RIPK4: variants seen among roughly 807,000 people sequenced by gnomAD.
RIPK4 encodes the protein receptor interacting serine/threonine kinase 4, also known as receptor-interacting serine/threonine-protein kinase 4.
RIPK4 carries 17 observed loss-of-function variants against 42.9 expected under a neutral mutation model. The observed-to-expected ratio is 0.40, with a 90% confidence interval of 0.27 to 0.59. RIPK4 has a LOEUF of 0.59. RIPK4 is among the 20% of genes least tolerant of loss of function. The probability of loss-of-function intolerance (pLI) is 0.47; values close to 1 mark genes in which losing one functional copy is unlikely to be tolerated. For synonymous variants in RIPK4, 498 were observed against 499.1 expected (o/e 1.00, Z 0.03); for missense variants, 897 against 1,104.4 (o/e 0.81, Z 2.66).
At chr21:41,752,320 G>C (rs570560585) in intron 2 of RIPK4, among the ~76,000 whole-genome samples, 2 of 152,196 alleles carry the variant, frequency 1.3e-5, no homozygotes, top group Non-Finnish European at 2.9e-5. Context: ...ATTCTGGGCT[G>C]GCCATGCCCA....
rs758677839 is a variant in RIPK4 at position 41,751,073 on chromosome 21, G to A, written c.623+24C>T. 8.7e-6 allele frequency: 14 copies of A among 1,605,450 alleles called. No homozygotes were observed. The South Asian group carries it at 1.6e-4, about 18-fold the overall frequency. On this transcript the variant is annotated intron_variant, in intron 3 of 7. Transcript: ENST00000332512. The surrounding 1 kb of genome is among the most constrained non-coding windows in gnomAD (Gnocchi z 4.5). ...TTGAGAGCCCCTGGCACCCACAGGG[G>A]ATGGGGGGCGGCATGTCACACACCT...
chr21:41,758,021 A>AAAATATAT (rs1555910478), intron 1 of RIPK4, among the ~76,000 whole-genome samples: 6 of 51,364 alleles, frequency 1.2e-4, no homozygotes, highest in African/African-American at 5.7e-4. Flanking sequence ...AAAAAAAAAA[A>AAAATATAT]ATATATATAT....
intron 1 of RIPK4, among the ~76,000 whole-genome samples, chr21:41,763,025 G>T (rs376510034): frequency 1.7e-4 from 26 of 152,272 alleles, no homozygotes; most frequent in African/African-American, 6.3e-4. Flanking sequence ...AGTTCAGAGG[G>T]GGTGGCATCC....
chr21:41,760,811 G>A (rs2061218328), intron 1 of RIPK4, among the ~76,000 whole-genome samples: 2 of 152,172 alleles, frequency 1.3e-5, no homozygotes, highest in Non-Finnish European at 2.9e-5. Flanking sequence ...AAGGAGCAAA[G>A]AATCCCACTG....
In RIPK4 at chr21:41,741,663, A is replaced by G. The variant is rs761959722; in HGVS notation, c.1530T>C (p.Phe510=). ...KDEDQWTALH[F]AAQNGDESST... ...TAGACTCGTCCCCGTTCTGGGCTGC[A>G]AAGTGGAGGGCTGTCCACTGGTCCT... Residue 510 remains phenylalanine (F), a synonymous_variant, in exon 8 of 8, where the codon TTT becomes TTC. Transcript: ENST00000332512. 39 of 1,613,760 alleles carry G rather than the reference A, an allele frequency of 2.4e-5. 1 individual carries two copies. The East Asian group carries it at 4.5e-4, about 18-fold the overall frequency.
At chr21:41,759,756 T>C (rs1601683998) in intron 1 of RIPK4, among the ~76,000 whole-genome samples, 1 of 152,374 alleles carries the variant, frequency 6.6e-6, no homozygotes, top group Non-Finnish European at 1.5e-5. Context: ...CTTAATGATC[T>C]GACCGCCCCT....
At chr21:41,748,953 C>A (rs1211535056) in intron 4 of RIPK4, among the ~76,000 whole-genome samples, 1 of 152,202 alleles carries the variant, frequency 6.6e-6, no homozygotes, top group Non-Finnish European at 1.5e-5. Context: ...CACAAAAAAA[C>A]TAGCTGGCAC....
chr21:41,744,309 C>T (rs1431024419), intron 6 of RIPK4, among the ~76,000 whole-genome samples, 169 bp from the exon 7 acceptor site: 2 of 152,152 alleles, frequency 1.3e-5, no homozygotes, highest in Non-Finnish European at 2.9e-5. Flanking sequence ...GCTCAGACCC[C>T]GCATCGGCAC....
chr21:41,752,855 G>C (rs1205988707), intron 2 of RIPK4, among the ~76,000 whole-genome samples: 1 of 152,136 alleles, frequency 6.6e-6, no homozygotes, highest in Non-Finnish European at 1.5e-5. Flanking sequence ...GAGAGCATTA[G>C]GACAAACACC....
chr21:41,763,708 A>G (rs71318591), intron 1 of RIPK4, among the ~76,000 whole-genome samples: 2,811 of 152,266 alleles, frequency 0.018, 42 homozygotes, highest in South Asian at 0.061. Flanking sequence ...CCACACGGCT[A>G]TTTTTAAAAC....
Position 41,741,268 on chromosome 21 carries a change from T to C in RIPK4, c.1925A>G (p.His642Arg). 6.2e-7 allele frequency: 1 copy of C among 1,608,560 alleles called. No homozygotes were observed. The highest frequency in any genetic ancestry group is 1.3e-5 in the African/African-American group (1 of 75,048). The stretch of plus-strand genomic sequence containing the variant: ...CGTGTGCCCCGTCTCCGCGGCCACG[T>C]GCAGGGGTGTCTGTGCCAGCAGGCT... Reference protein sequence around the residue: ...VCSLLAQTPLHVAAETGHTST... With the variant: ...VCSLLAQTPLRVAAETGHTST... Residue 642 changes from histidine (H) to arginine (R), a missense_variant, in exon 8 of 8, where the codon CAC becomes CGC. His to Arg is a conservative substitution (Grantham distance 29). Transcript: ENST00000332512.
intron 7 of RIPK4, among the ~76,000 whole-genome samples, chr21:41,743,500 G>A (rs535160403): frequency 6.6e-5 from 10 of 152,230 alleles, no homozygotes; most frequent in African/African-American, 2.4e-4. Context: ...ACCCAGCAGC[G>A]TCTGAGCAGA....
chr21:41,755,595 C>T lies in RIPK4; in HGVS notation c.474+930G>A, dbSNP rs1457749787. On this transcript the variant is annotated intron_variant, in intron 2 of 7. Transcript: ENST00000332512. This position sits in a 1 kb window ranked among gnomAD's most constrained non-coding sequence, Gnocchi z 4.2. ...GGAACAGTAGCACAGCCAAGCCAGG[C>T]AGGGGACTCCTCTGCTTGTCCCCTG... 6.6e-6 allele frequency among the ~76,000 whole-genome samples: 1 copy of T among 152,176 alleles called. No homozygotes were observed. The highest frequency in any genetic ancestry group is 2.4e-5 in the African/African-American group (1 of 41,432).
chr21:41,746,237 A>T lies in RIPK4; in HGVS notation c.833-375T>A, dbSNP rs200082861. The T allele has an allele frequency of 2.9e-3, 1,720 of 596,502 alleles. 22 individuals carry two copies. In the Middle Eastern group the frequency reaches 0.031, roughly 11 times the overall value. 37.0% of individuals were successfully genotyped at this position (596,502 alleles called of 1,614,324 possible). ...GGTGACTTTCCTATGCCAGAGACAC[A>T]TCTGTCCCAGGAAGTCAACTCCTCA... On this transcript the variant is annotated intron_variant, in intron 5 of 7. Transcript: ENST00000332512.
In RIPK4 at chr21:41,755,644, A is replaced by G. The variant is rs1374998902; in HGVS notation, c.474+881T>C. On this transcript the variant is annotated intron_variant, in intron 2 of 7. Coordinates refer to ENST00000332512, the MANE Select transcript of RIPK4 (RefSeq NM_020639.3). This position sits in a 1 kb window ranked among gnomAD's most constrained non-coding sequence, Gnocchi z 4.2. The stretch of plus-strand genomic sequence containing the variant: ...TGCATGAACTACATGGATCCGGACC[A>G]TGGCTCTCGGCTCCTTCTCACTCCC... Among the ~76,000 whole-genome samples, 1 of 152,192 alleles carries G rather than the reference A, an allele frequency of 6.6e-6. No homozygotes were observed. Among genetic ancestry groups the G allele is most frequent in the African/African-American group, 2.4e-5 (1 of 41,444 alleles).
chr21:41,744,394 A>T (rs980806023), intron 6 of RIPK4, among the ~76,000 whole-genome samples: 5 of 150,736 alleles, frequency 3.3e-5, no homozygotes, highest in East Asian at 3.9e-4. Context: ...AGTGCCGGGC[A>T]GCTCAGACCC....
At position 41,751,510 on chromosome 21, in the gene RIPK4, G is replaced by A. The variant is rs112743366; in HGVS notation, c.475-265C>T. ...TCGTACTGTAAGGAAGGAGTTATCC[G>A]GGACAGAACTGCAGAAGAATTAGAA... On this transcript the variant is annotated intron_variant, in intron 2 of 7. Transcript: ENST00000332512. This position sits in a 1 kb window ranked among gnomAD's most constrained non-coding sequence, Gnocchi z 4.5. Among the ~76,000 whole-genome samples, 5 of 152,190 alleles carry A rather than the reference G, an allele frequency of 3.3e-5. No individual in the cohort carries two copies. The highest frequency in any genetic ancestry group is 5.9e-5 in the Non-Finnish European group (4 of 68,040).
At chr21:41,750,196 C>T (rs2061184534) in intron 3 of RIPK4, among the ~76,000 whole-genome samples, 1 of 152,230 alleles carries the variant, frequency 6.6e-6, no homozygotes, top group African/African-American at 2.4e-5. Context: ...CTGGCGGCGG[C>T]AGTGACCAAA....
chr21:41,746,045 A>G (rs1209165987), intron 5 of RIPK4, 183 bp from the exon 6 acceptor site: 1 of 718,916 alleles, frequency 1.4e-6, no homozygotes, highest in Non-Finnish European at 2.5e-6. Flanking sequence ...AGGCCCCCCC[A>G]TCGGTAATCA....
Sources: gnomAD v4.1 joint callset for allele counts (sites outside exome capture counted in the v4.1 genomes callset) on GRCh38, gnomAD v4.1.1 for gene constraint, Gnocchi (gnomAD v3.1) non-coding constraint, MANE v1.5 for transcripts, NCBI Gene and HGNC (gene_info 2026-07-23, HGNC 2026-07-21) for gene names.